YPEL5: variants seen among roughly 807,000 people sequenced by gnomAD.
YPEL5 encodes yippee like 5.
A neutral mutation model predicts 10.5 loss-of-function variants in YPEL5; 1 was observed. The ratio of observed to expected loss-of-function variants is 0.10; its 90% confidence interval spans 0.03 to 0.45. YPEL5 has a LOEUF of 0.45. Among genes scored for constraint, YPEL5 ranks in the 20% least tolerant of loss-of-function variants. The pLI is 0.97. For missense variants in YPEL5, 68 were observed against 159.3 expected, an observed-to-expected ratio of 0.43 and a Z score of 3.09; for synonymous variants, 61 against 56.6, an observed-to-expected ratio of 1.08 and a Z score of -0.35.
chr2:30,154,720 A>G (rs970463487), intron 1 of YPEL5, among the ~76,000 whole-genome samples: 4 of 152,194 alleles, frequency 2.6e-5, no homozygotes, highest in African/African-American at 9.6e-5. Flanking sequence ...CTTCTGACTT[A>G]TATGTAAATA....
At chr2:30,149,197 A>T (rs556450147) in intron 1 of YPEL5, among the ~76,000 whole-genome samples, 22 of 152,338 alleles carry the variant, frequency 1.4e-4, no homozygotes, top group Non-Finnish European at 2.6e-4. Flanking sequence ...TTATTTTCTA[A>T]TATTTAAATA....
In YPEL5 at chr2:30,158,796, C is replaced by A. The variant is rs960842189; in HGVS notation, c.319C>A (p.Arg107=). Residue 107 remains arginine (R), a synonymous_variant, in exon 3 of 3, where the codon CGA becomes AGA. Coordinates refer to ENST00000261353, the MANE Select transcript of YPEL5 (RefSeq NM_016061.3). ...GRVILERALV[R]ESEGFEEHVP... ...CGTGATCCTGGAACGTGCTCTAGTT[C>A]GAGAGAGTGAGGGCTTTGAGGAGCA... 7 of 1,614,104 alleles carry A rather than the reference C, an allele frequency of 4.3e-6. 1 individual carries two copies. In the South Asian group the frequency reaches 7.7e-5, roughly 18 times the overall value.
At chr2:30,154,653 C>G (rs886552303) in intron 1 of YPEL5, among the ~76,000 whole-genome samples, 9 of 152,212 alleles carry the variant, frequency 5.9e-5, no homozygotes, top group Non-Finnish European at 1.2e-4. Flanking sequence ...TGTATCTGTT[C>G]ACTGCTGTAT....
intron 1 of YPEL5, 67 bp from the exon 2 acceptor site, chr2:30,156,561 C>CA (rs2103519086): frequency 6.9e-7 from 1 of 1,449,464 alleles, no homozygotes; most frequent in Non-Finnish European, 9.5e-7. Context: ...TTCTCTATGA[C>CA]ACCCCCCAAG....
Position 30,159,094 on chromosome 2 carries a change from G to C in YPEL5, c.*251G>C. 1 of 479,214 alleles carries C rather than the reference G, an allele frequency of 2.1e-6. No individual in the cohort carries two copies. The highest frequency in any genetic ancestry group is 3.7e-6 in the Non-Finnish European group (1 of 268,110). 29.7% of individuals were successfully genotyped at this position (479,214 alleles called of 1,614,324 possible). A position where few individuals can be genotyped will look rare whatever the true frequency, so the allele number is the denominator to read the frequency against. ...TTTTTACCCTATGTTTACATCTTGA[G>C]GCAGCAGAGTCTGTCTGCAGCTATG... On this transcript the variant is annotated 3_prime_UTR_variant, in exon 3 of 3. Coordinates refer to ENST00000261353, the MANE Select transcript of YPEL5 (RefSeq NM_016061.3).
In YPEL5 at chr2:30,158,628, C is replaced by T. The variant is rs147386506; in HGVS notation, c.151C>T (p.Leu51=). 6 of 1,613,442 alleles carry T rather than the reference C, an allele frequency of 3.7e-6. No individual in the cohort carries two copies. The highest frequency in any genetic ancestry group is 5.1e-6 in the Non-Finnish European group (6 of 1,180,012). ...CCTTGTCCCTTGTTAGGTAGTTAAC[C>T]TGCAGTACAGTGAAGTTCAAGATCG... ...RAFLFNKVVN[L]QYSEVQDRVM... is the part of the protein sequence containing the mutation. Residue 51 remains leucine, a synonymous_variant, in exon 3 of 3, where the codon CTG becomes TTG. Coordinates refer to ENST00000261353, the MANE Select transcript of YPEL5 (RefSeq NM_016061.3).
intron 1 of YPEL5, among the ~76,000 whole-genome samples, chr2:30,153,258 A>G (rs1675897021): frequency 6.6e-6 from 1 of 152,192 alleles, no homozygotes; most frequent in Non-Finnish European, 1.5e-5. Context: ...CTAACAGGGT[A>G]CTATAGACTG....
chr2:30,152,016 G>A (rs1202606890), intron 1 of YPEL5, among the ~76,000 whole-genome samples: 1 of 152,346 alleles, frequency 6.6e-6, no homozygotes, highest in South Asian at 2.1e-4. Flanking sequence ...AGGCTGGTGT[G>A]TGGGAATTTT....
At chr2:30,152,891 T>TG (rs1491123640) in intron 1 of YPEL5, among the ~76,000 whole-genome samples, 77 of 11,298 alleles carry the variant, frequency 6.8e-3, no homozygotes, top group African/African-American at 0.048. Context: ...CTGTCCTTTG[T>TG]TTTTTTTTTT....
chr2:30,147,270 G>A (rs1214436779), intron 1 of YPEL5, among the ~76,000 whole-genome samples: 1 of 151,706 alleles, frequency 6.6e-6, no homozygotes, highest in African/African-American at 2.4e-5. Flanking sequence ...GCGGGCGGAC[G>A]CGCGGGGCTG....
At chr2:30,149,539 A>C (rs1286502386) in intron 1 of YPEL5, among the ~76,000 whole-genome samples, 1 of 152,222 alleles carries the variant, frequency 6.6e-6, no homozygotes, top group Admixed American at 6.5e-5. Flanking sequence ...TGAAATTACA[A>C]TAGCAGTAAG....
intron 2 of YPEL5, among the ~76,000 whole-genome samples, chr2:30,157,051 G>T (rs548234336): frequency 6.6e-6 from 1 of 152,132 alleles, no homozygotes; most frequent in Non-Finnish European, 1.5e-5. Context: ...TTGGGAGGCC[G>T]AGGTGGGCAG....
intron 1 of YPEL5, among the ~76,000 whole-genome samples, chr2:30,152,989 C>T (rs1675879306): frequency 6.6e-6 from 1 of 151,890 alleles, no homozygotes; most frequent in South Asian, 2.1e-4. Context: ...CAAGCTCCGC[C>T]TCCTGGGTTC....
chr2:30,150,039 C>G (rs1675710440), intron 1 of YPEL5, among the ~76,000 whole-genome samples: 1 of 152,186 alleles, frequency 6.6e-6, no homozygotes, highest in East Asian at 1.9e-4. Flanking sequence ...TGAAACCAAA[C>G]TGGATTATTA....
intron 1 of YPEL5, chr2:30,148,170 C>T (rs993906925): frequency 6.6e-6 from 1 of 152,238 alleles, no homozygotes; most frequent in Non-Finnish European, 1.5e-5. Context: ...ATCCTGATAC[C>T]AACTAATCTC....
intron 1 of YPEL5, 186 bp from the exon 2 acceptor site, chr2:30,156,440 ATG>A (rs1676042647): frequency 1.9e-6 from 1 of 536,162 alleles, no homozygotes; most frequent in African/African-American, 1.9e-5. Flanking sequence ...TAGCTTAGGC[ATG>A]CCTGTTTATT....
intron 2 of YPEL5, 101 bp downstream of exon 2, chr2:30,156,893 G>A: frequency 7.3e-7 from 1 of 1,378,354 alleles, no homozygotes; most frequent in Non-Finnish European, 1.0e-6. Flanking sequence ...GGAAGAGTCA[G>A]AATGAGAGCT....
At chr2:30,157,808 T>C (rs1012946437) in intron 2 of YPEL5, among the ~76,000 whole-genome samples, 14 of 152,366 alleles carry the variant, frequency 9.2e-5, no homozygotes, top group Admixed American at 6.5e-5. Flanking sequence ...TCATACTCTT[T>C]GACATTTATT....
chr2:30,159,107 G>T lies in YPEL5; in HGVS notation c.*264G>T, dbSNP rs993872043. 2 of 453,110 alleles carry T rather than the reference G, an allele frequency of 4.4e-6. No homozygotes were observed. Among genetic ancestry groups the T allele is most frequent in the Admixed American group, 3.9e-5 (1 of 25,880 alleles). 28.1% of individuals were successfully genotyped at this position (453,110 alleles called of 1,614,324 possible). On this transcript the variant is annotated 3_prime_UTR_variant, in exon 3 of 3. Transcript: ENST00000261353. ...TTTACATCTTGAGGCAGCAGAGTCT[G>T]TCTGCAGCTATGTGGTGAGCTATGT... is the stretch of plus-strand genomic sequence containing the variant.
Sources: allele counts gnomAD v4.1 joint callset (sites outside exome capture counted in the v4.1 genomes callset), GRCh38; gene constraint gnomAD v4.1.1; transcripts MANE v1.5; gene names NCBI Gene and HGNC (gene_info 2026-07-23, HGNC 2026-07-21).